The following ANO2 variants were observed in gnomAD, a reference collection of about 807,000 sequenced individuals.
ANO2 encodes anoctamin 2, also known as anoctamin-2.
A neutral mutation model predicts 124.2 loss-of-function variants in ANO2; 101 were observed. The ratio of observed to expected loss-of-function variants is 0.81; its 90% CI spans 0.69 to 0.96. ANO2 has a LOEUF of 0.96. Among genes scored for constraint, ANO2 ranks in the 40% least tolerant of loss-of-function variants. The pLI is 0.00. For synonymous variants in ANO2, 486 were observed against 482.5 expected, an observed-to-expected ratio of 1.01 and a Z score of -0.09; for missense variants, 1,293 against 1,274.5, an observed-to-expected ratio of 1.01 and a Z score of -0.22.
intron 3 of ANO2, among the ~76,000 whole-genome samples, chr12:5,863,212 G>C (rs896254761): frequency 2.6e-5 from 4 of 152,140 alleles, no homozygotes; most frequent in African/African-American, 9.7e-5. Context: ...TCAAGGGTGA[G>C]AGAACCTCTT....
chr12:5,619,972 G>T (rs1945028039), intron 16 of ANO2, among the ~76,000 whole-genome samples: 1 of 152,234 alleles, frequency 6.6e-6, no homozygotes, highest in Admixed American at 6.5e-5. Context: ...CAGGCCCAGA[G>T]GTCACTGAGG....
chr12:5,649,816 GTA>G (rs1158057601), intron 14 of ANO2, among the ~76,000 whole-genome samples: 7 of 131,902 alleles, frequency 5.3e-5, no homozygotes, highest in Non-Finnish European at 8.3e-5. Context: ...GTGTGTGTGT[GTA>G]TTTTTTTAGT....
At chr12:5,679,280 G>T (rs1205721862) in intron 14 of ANO2, among the ~76,000 whole-genome samples, 1 of 152,234 alleles carries the variant, frequency 6.6e-6, no homozygotes, top group East Asian at 1.9e-4. Flanking sequence ...AGCAAAAATT[G>T]ACAAATAAGA....
At chr12:5,840,345 T>C (rs77318146) in intron 4 of ANO2, among the ~76,000 whole-genome samples, 5,491 of 152,226 alleles carry the variant, frequency 0.036, 314 homozygotes, top group African/African-American at 0.12. Flanking sequence ...CTTTTTTCCT[T>C]CTTGTCTCCC....
At chr12:5,730,844 C>T (rs934816144) in intron 14 of ANO2, among the ~76,000 whole-genome samples, 9 of 152,326 alleles carry the variant, frequency 5.9e-5, no homozygotes, top group African/African-American at 1.9e-4. Flanking sequence ...CCCCAGTGCC[C>T]ATAAGGCATT....
chr12:5,863,194 C>T (rs1469124006), intron 3 of ANO2, among the ~76,000 whole-genome samples: 1 of 152,136 alleles, frequency 6.6e-6, no homozygotes, highest in African/African-American at 2.4e-5. Context: ...AATACACCCT[C>T]CAACATATCA....
At chr12:5,818,853 G>A (rs537574066) in intron 7 of ANO2, among the ~76,000 whole-genome samples, 17 of 152,126 alleles carry the variant, frequency 1.1e-4, no homozygotes, top group South Asian at 8.3e-4. Flanking sequence ...ATAATGAAGC[G>A]GTTGGTTGCT....
At chr12:5,785,081 C>G (rs1175769250) in intron 10 of ANO2, among the ~76,000 whole-genome samples, 1 of 152,168 alleles carries the variant, frequency 6.6e-6, no homozygotes, top group Non-Finnish European at 1.5e-5. Context: ...CTACCCTGGA[C>G]CTATAAATAC....
intron 10 of ANO2, among the ~76,000 whole-genome samples, chr12:5,754,166 G>C (rs915256515): frequency 6.6e-6 from 1 of 151,706 alleles, no homozygotes; most frequent in East Asian, 1.9e-4. Flanking sequence ...GCTGACTTTT[G>C]TCCATTTTTT....
At chr12:5,633,703 C>T (rs1450111667) in intron 16 of ANO2, among the ~76,000 whole-genome samples, 1 of 152,162 alleles carries the variant, frequency 6.6e-6, no homozygotes, top group Non-Finnish European at 1.5e-5. Context: ...ATCCTGCGTA[C>T]ACTTCATGCT....
At chr12:5,613,820 G>A (rs946500758) in intron 17 of ANO2, among the ~76,000 whole-genome samples, 1 of 152,200 alleles carries the variant, frequency 6.6e-6, no homozygotes, top group African/African-American at 2.4e-5. Flanking sequence ...GTTCTTCTAA[G>A]CCTCAGGATC....
At chr12:5,803,279 A>G (rs1413143579) in intron 9 of ANO2, among the ~76,000 whole-genome samples, 1 of 152,186 alleles carries the variant, frequency 6.6e-6, no homozygotes, top group East Asian at 1.9e-4. Flanking sequence ...ACACAGTAAC[A>G]TGAAAGTCGT....
chr12:5,665,172 G>A (rs1433408850), intron 14 of ANO2, among the ~76,000 whole-genome samples: 2 of 152,042 alleles, frequency 1.3e-5, no homozygotes, highest in Non-Finnish European at 2.9e-5. Flanking sequence ...AGGGTGCAGG[G>A]GCTACTGGAC....
intron 16 of ANO2, among the ~76,000 whole-genome samples, chr12:5,628,040 T>TTG (rs575225559): frequency 7.5e-4 from 114 of 152,270 alleles, no homozygotes; most frequent in Non-Finnish European, 1.2e-3. Flanking sequence ...CTCAAGGCTG[T>TTG]TGTGAGTTAT....
chr12:5,794,609 C>T (rs1952793177), intron 10 of ANO2, among the ~76,000 whole-genome samples: 1 of 152,232 alleles, frequency 6.6e-6, no homozygotes, highest in Non-Finnish European at 1.5e-5. Context: ...AGCAATTACT[C>T]TTCAAATGTG....
At chr12:5,614,957 A>AC (rs1400756943) in intron 17 of ANO2, among the ~76,000 whole-genome samples, 2 of 152,200 alleles carry the variant, frequency 1.3e-5, no homozygotes, top group African/African-American at 4.8e-5. Flanking sequence ...CTCTTCAGGG[A>AC]CCACAGCCAA....
rs1401071090 is a variant in ANO2, at chr12:5,744,165, G to T, written c.1343C>A (p.Ala448Asp). 3 of 1,613,132 alleles carry T rather than the reference G, an allele frequency of 1.9e-6. No homozygotes were observed. The highest frequency in any genetic ancestry group is 2.5e-6 in the Non-Finnish European group (3 of 1,179,884). The stretch of plus-strand genomic sequence containing the variant: ...TGGTGATGGCCACATACCCCACAGA[G>T]CCATGAAGATAGAGAAGAAGACGGT... The part of the protein sequence containing the change: ...PATVFFSIFM[A>D]LWATMFLENW... Residue 448 changes from alanine (A) to aspartate (D), a missense_variant, in exon 12 of 25, where the codon GCT becomes GAT. By Grantham distance (126) the Ala-to-Asp change is moderately radical (BLOSUM62 -2). Transcript: ENST00000682330.
chr12:5,806,149 C>A, intron 8 of ANO2, 56 bp from the exon 9 acceptor site: 1 of 1,535,432 alleles, frequency 6.5e-7, no homozygotes, highest in Non-Finnish European at 8.9e-7. Context: ...AAGCAGGTGC[C>A]AAAGGAGAAA....
chr12:5,642,289 A>C (rs1946426213), intron 15 of ANO2, among the ~76,000 whole-genome samples: 1 of 152,098 alleles, frequency 6.6e-6, no homozygotes, highest in Non-Finnish European at 1.5e-5. Flanking sequence ...ATGCAATCTT[A>C]TAGCTTTAAA....
Sources: gnomAD v4.1 joint callset for allele counts (sites outside exome capture counted in the v4.1 genomes callset) on GRCh38, gnomAD v4.1.1 for gene constraint, MANE v1.5 for transcripts, NCBI Gene and HGNC (gene_info 2026-07-23, HGNC 2026-07-21) for gene names.